The following CBX3 variants were observed in gnomAD, a reference collection of about 807,000 sequenced individuals.
The protein encoded by CBX3 is chromobox 3, also known as chromobox protein homolog 3.
Under a neutral mutation model 22.6 loss-of-function variants are expected in CBX3, and 5 were observed. The observed-to-expected ratio is 0.22, with a 90% CI of 0.12 to 0.47. The LOEUF (loss-of-function observed/expected upper bound fraction) is 0.47, where lower values mean the gene tolerates loss of function less well. Among genes scored for constraint, CBX3 ranks in the 20% least tolerant of loss-of-function variants. The pLI is 0.99. For synonymous variants in CBX3, 50 were observed against 66.6 expected (o/e 0.75, Z 1.21); for missense variants, 83 against 208.1 (o/e 0.40, Z 3.70).
intron 2 of CBX3, among the ~76,000 whole-genome samples, chr7:26,203,873 CTG>C (rs1347825327): frequency 6.6e-6 from 1 of 152,122 alleles, no homozygotes; most frequent in African/African-American, 2.4e-5. Context: ...TGCATTAAGT[CTG>C]TTTACCCTGC....
intron 2 of CBX3, 171 bp from the exon 3 acceptor site, chr7:26,206,196 AT>A: frequency 1.8e-6 from 1 of 556,464 alleles, no homozygotes; most frequent in South Asian, 2.5e-5. Context: ...AAGATAAAGC[AT>A]TCTTTTATTT....
chr7:26,212,052 G>C (rs780028680), intron 5 of CBX3, 30 bp from the exon 6 acceptor site: 2 of 1,484,418 alleles, frequency 1.3e-6, no homozygotes, highest in South Asian at 2.9e-5. Context: ...ACTTCGACTT[G>C]TAACTGAATT....
At chr7:26,208,213 C>T (rs761805644) in intron 3 of CBX3, 180 bp from the exon 4 acceptor site, 14 of 456,874 alleles carry the variant, frequency 3.1e-5, no homozygotes, top group Non-Finnish European at 4.4e-5. Flanking sequence ...CAAAGCAAGA[C>T]CCTGTCTCTG....
upstream of CBX3, chr7:26,201,569 CCGCGGTCGTCGG>C: frequency 6.6e-6 from 1 of 151,414 alleles, no homozygotes; most frequent in South Asian, 2.1e-4. Flanking sequence ...ACGGTAAGTG[CCGCGGTCGTCGG>C]CGCCTCCGCC....
chr7:26,209,200 C>G (rs537198518), intron 4 of CBX3, among the ~76,000 whole-genome samples: 1 of 152,264 alleles, frequency 6.6e-6, no homozygotes, highest in Non-Finnish European at 1.5e-5. Flanking sequence ...AACCACCACA[C>G]CAAGCCCACC....
At position 26,205,608 on chromosome 7, in the gene CBX3, T is replaced by C. The variant is rs1445533532; in HGVS notation, c.25-760T>C. On this transcript the variant is annotated intron_variant, in intron 2 of 5. Coordinates refer to ENST00000396386, the MANE Select transcript of CBX3 (RefSeq NM_016587.4). ...CTCTGTATCATTGATGCTTTTGACA[T>C]TAATATTTGAATTGAGAAGGGGGCT... Among the ~76,000 whole-genome samples, 3 of 152,162 alleles carry C rather than the reference T, an allele frequency of 2.0e-5. No individual in the cohort carries two copies. The East Asian group carries it at 5.8e-4, about 29-fold the overall frequency.
At chr7:26,205,947 G>T (rs1023591030) in intron 2 of CBX3, 5 of 155,392 alleles carry the variant, frequency 3.2e-5, no homozygotes, top group African/African-American at 1.2e-4. Context: ...AAATTAGCCC[G>T]GCATGGTGGC....
chr7:26,210,544 A>G (rs891551197), intron 4 of CBX3: 1 of 152,194 alleles, frequency 6.6e-6, no homozygotes, highest in Non-Finnish European at 1.5e-5. Context: ...TGTGACATTG[A>G]TGTAAAACTC....
chr7:26,204,366 T>C (rs1292854514), intron 2 of CBX3, among the ~76,000 whole-genome samples: 1 of 152,234 alleles, frequency 6.6e-6, no homozygotes. Flanking sequence ...GATACACTTC[T>C]GTCTATTACA....
rs758225153 is a variant in CBX3 at position 26,203,063 on chromosome 7, A to G, written c.24+41A>G. On this transcript the variant is annotated intron_variant, in intron 2 of 5. Coordinates refer to ENST00000396386, the MANE Select transcript of CBX3 (RefSeq NM_016587.4). Reference sequence around the variant, plus strand: ...CCTAAAATATGTAAGGATTTAACTCAAGTTTTTTTTCCCCACAGTATAACT... The same window carrying G: ...CCTAAAATATGTAAGGATTTAACTCGAGTTTTTTTTCCCCACAGTATAACT... 9 of 1,366,684 alleles carry G rather than the reference A, an allele frequency of 6.6e-6. No individual in the cohort carries two copies. In the Admixed American group the frequency reaches 1.2e-4, roughly 19 times the overall value. 84.7% of individuals were successfully genotyped at this position (1,366,684 alleles called of 1,614,324 possible).
intron 4 of CBX3, among the ~76,000 whole-genome samples, chr7:26,208,917 CTTTTTTTTTTTTTTTTTTT>C (rs59657982): frequency 1.3e-3 from 37 of 27,946 alleles, no homozygotes; most frequent in Admixed American, 4.7e-3. Flanking sequence ...CACGCCTGGC[CTTTTTTTTTTTTTTTTTTT>C]TTTTTTTTTT....
intron 1 of CBX3, chr7:26,202,072 C>G (rs190293844): frequency 6.6e-6 from 1 of 151,572 alleles, no homozygotes; most frequent in Non-Finnish European, 1.5e-5. Flanking sequence ...GCGACGGTTG[C>G]CCCATTTCGA....
intron 4 of CBX3, chr7:26,209,906 G>A (rs1784766373): frequency 6.6e-6 from 1 of 152,142 alleles, no homozygotes; most frequent in Non-Finnish European, 1.5e-5. Context: ...AGACAACTCT[G>A]TATAAGGTCA....
chr7:26,202,784 A>G, intron 1 of CBX3, 187 bp from the exon 2 acceptor site: 1 of 568,566 alleles, frequency 1.8e-6, no homozygotes, highest in African/African-American at 1.9e-5. Flanking sequence ...TTCTAGACTC[A>G]CATGGTTAGG....
At chr7:26,203,559 C>A (rs1456022182) in intron 2 of CBX3, among the ~76,000 whole-genome samples, 1 of 151,788 alleles carries the variant, frequency 6.6e-6, no homozygotes, top group Non-Finnish European at 1.5e-5. Context: ...GTTTTTTAAA[C>A]AAAATGATCG....
Position 26,212,285 on chromosome 7 carries a change from A to T in CBX3, c.*77A>T. On this transcript the variant is annotated 3_prime_UTR_variant, in exon 6 of 6. Transcript: ENST00000396386. Reference sequence around the variant, plus strand: ...TCTTAGATTTTGATTTACTAGTGTGACAAAATAACTACATCCTAATGAAAA... The same window carrying T: ...TCTTAGATTTTGATTTACTAGTGTGTCAAAATAACTACATCCTAATGAAAA... 1 of 855,742 alleles carries T rather than the reference A, an allele frequency of 1.2e-6. No homozygotes were observed. The highest frequency in any genetic ancestry group is 1.5e-6 in the Non-Finnish European group (1 of 658,774). The allele number at this position is 855,742 out of a possible 1,614,324, so 53.0% of individuals were successfully genotyped here. A position where few individuals can be genotyped will look rare whatever the true frequency, so the allele number is the denominator to read the frequency against.
chr7:26,205,776 T>C (rs1446766837), intron 2 of CBX3, among the ~76,000 whole-genome samples: 1 of 152,200 alleles, frequency 6.6e-6, no homozygotes, highest in Non-Finnish European at 1.5e-5. Flanking sequence ...GAGTGAAAAT[T>C]AGTAAACTTG....
At chr7:26,211,419 C>T (rs1004412069) in intron 4 of CBX3, among the ~76,000 whole-genome samples, 3 of 152,028 alleles carry the variant, frequency 2.0e-5, no homozygotes, top group Admixed American at 1.3e-4. Flanking sequence ...TGTCATTGAA[C>T]GCAGTAATTT....
intron 4 of CBX3, among the ~76,000 whole-genome samples, chr7:26,209,014 C>T (rs1407410049): frequency 7.4e-6 from 1 of 134,846 alleles, no homozygotes; most frequent in Non-Finnish European, 1.5e-5. Flanking sequence ...TTTCGGCTCA[C>T]TGCAACCTCC....
Sources: allele counts gnomAD v4.1 joint callset (sites outside exome capture counted in the v4.1 genomes callset), GRCh38; gene constraint gnomAD v4.1.1; transcripts MANE v1.5; gene names NCBI Gene and HGNC (gene_info 2026-07-23, HGNC 2026-07-21).